TRIM39: variants seen among roughly 807,000 people sequenced by gnomAD.
TRIM39 encodes the protein tripartite motif containing 39, also known as E3 ubiquitin-protein ligase TRIM39.
Under a neutral mutation model 53.6 loss-of-function variants are expected in TRIM39, and 5 were observed. That is an observed-to-expected ratio of 0.09 (90% CI 0.05 to 0.20). The LOEUF is 0.20. TRIM39 is among the 10% of genes least tolerant of loss of function. The probability of loss-of-function intolerance (pLI) is 1.00; values close to 1 mark genes in which losing one functional copy is unlikely to be tolerated. For missense variants in TRIM39, 310 were observed against 621.0 expected (o/e 0.50, Z 5.32); for synonymous variants, 196 against 237.6 (o/e 0.82, Z 1.61).
At chr6:30,334,066 C>CACTGAGA (rs1180620484) in intron 4 of TRIM39, among the ~76,000 whole-genome samples, 12 of 152,196 alleles carry the variant, frequency 7.9e-5, no homozygotes, top group African/African-American at 2.9e-4. Flanking sequence ...TTCAGATGTA[C>CACTGAGA]ACTGAGAAGG....
Position 30,335,752 on chromosome 6 carries a change from T to C in TRIM39, c.557T>C (p.Val186Ala), listed in dbSNP as rs551694859. Residue 186 changes from valine to alanine, a missense_variant, in exon 5 of 8, where the codon GTG becomes GCG. By Grantham distance (64) the Val-to-Ala change is moderately conservative. This residue lies in a region of TRIM39 where 161 missense variants were observed against 210.0 expected (regional missense o/e 0.77). Coordinates refer to ENST00000396551, the Ensembl canonical transcript of TRIM39. The surrounding 1 kb of genome is among the most constrained non-coding windows in gnomAD (Gnocchi z 4.7). ...TCTTCCCTCTCTTCTCAGAGACTAG[T>C]GGAAAGTCGCCGACAGCAGATCTTG... 12 of 1,612,646 alleles carry C rather than the reference T, an allele frequency of 7.4e-6. No homozygotes were observed. In the South Asian group the frequency reaches 7.7e-5, roughly 10 times the overall value.
intron 5 of TRIM39, 81 bp downstream of exon 5, chr6:30,336,056 A>T: frequency 1.3e-6 from 2 of 1,564,124 alleles, no homozygotes; most frequent in Non-Finnish European, 1.7e-6. Context: ...AGCCTGGGAT[A>T]CTCATTCTTC....
intron 7 of TRIM39, among the ~76,000 whole-genome samples, 198 bp downstream of exon 7, chr6:30,340,818 T>A (rs1448061500): frequency 6.6e-6 from 1 of 152,248 alleles, no homozygotes; most frequent in Non-Finnish European, 1.5e-5. Flanking sequence ...TATCTACTCT[T>A]AGGTCCATTC....
exon 8 of TRIM39, chr6:30,341,881 C>T (rs756722885): frequency 6.2e-7 from 1 of 1,613,040 alleles, no homozygotes; most frequent in South Asian, 1.1e-5. Context: ...CAGGTCGACA[C>T]TACTGGGAGG....
At chr6:30,329,984 A>T (rs962236396) in intron 3 of TRIM39, among the ~76,000 whole-genome samples, 3 of 152,246 alleles carry the variant, frequency 2.0e-5, no homozygotes, top group Non-Finnish European at 2.9e-5. Flanking sequence ...TGACTTTTGC[A>T]ATACATGTGA....
chr6:30,329,654 G>A (rs1475446996), exon 3 of TRIM39: 12 of 1,613,076 alleles, frequency 7.4e-6, no homozygotes, highest in Non-Finnish European at 1.0e-5. Flanking sequence ...ACACCATGAG[G>A]CCCTCAGCCT....
chr6:30,330,702 C>A, intron 3 of TRIM39, 79 bp from the exon 4 acceptor site: 3 of 1,473,540 alleles, frequency 2.0e-6, no homozygotes, highest in Non-Finnish European at 2.8e-6. Context: ...TGGTTTAAAA[C>A]AAATGGTTTA....
chr6:30,340,999 G>C (rs748292746), intron 7 of TRIM39, among the ~76,000 whole-genome samples: 1 of 152,146 alleles, frequency 6.6e-6, no homozygotes, highest in Non-Finnish European at 1.5e-5. Flanking sequence ...CTTGAGGTCA[G>C]GAGTTCGACA....
chr6:30,342,531 A>C lies in TRIM39; in HGVS notation c.*272A>C. 1.8e-6 allele frequency: 1 copy of C among 554,578 alleles called. No individual in the cohort carries two copies. Among genetic ancestry groups the C allele is most frequent in the East Asian group, 2.9e-5 (1 of 33,956 alleles). 34.4% of individuals were successfully genotyped at this position (554,578 alleles called of 1,614,324 possible). On this transcript the variant is annotated 3_prime_UTR_variant, in exon 8 of 8. Transcript: ENST00000396551. This position sits in a 1 kb window ranked among gnomAD's most constrained non-coding sequence, Gnocchi z 4.7. The stretch of plus-strand genomic sequence containing the variant: ...TGAAGTCCATCAGGTTTTCTGTTGC[A>C]CAAGGACGGGTCAGGAAGGAAGGAG...
At chr6:30,337,122 G>T (rs1320452119) in intron 5 of TRIM39, among the ~76,000 whole-genome samples, 2 of 152,136 alleles carry the variant, frequency 1.3e-5, no homozygotes, top group Non-Finnish European at 2.9e-5. Context: ...TCAGTAAAGG[G>T]TTGGGCACGG....
At position 30,339,184 on chromosome 6, in the gene TRIM39, C is replaced by T. The variant is rs9501318; in HGVS notation, c.781-724C>T. Among the ~76,000 whole-genome samples the T allele has an allele frequency of 0.021, 3,129 of 151,526 alleles. 121 individuals carry two copies. The highest frequency in any genetic ancestry group is 0.07 in the African/African-American group (2,903 of 41,226). ...TTTTTTTTTCTGAGAGAGTCTTGCT[C>T]TGTCGCCCAGGCTGGAGTGCAGTGC... On this transcript the variant is annotated intron_variant, in intron 5 of 7. Transcript: ENST00000396551. The surrounding 1 kb of genome is among the most constrained non-coding windows in gnomAD (Gnocchi z 4.2).
At chr6:30,334,606 A>G (rs1786632004) in intron 4 of TRIM39, among the ~76,000 whole-genome samples, 1 of 152,224 alleles carries the variant, frequency 6.6e-6, no homozygotes, top group Non-Finnish European at 1.5e-5. Context: ...ATAATAACCC[A>G]TATAACTCTT....
At position 30,339,224 on chromosome 6, in the gene TRIM39, C is replaced by T. The variant is rs1378137353; in HGVS notation, c.781-684C>T. Among the ~76,000 whole-genome samples, 1 of 151,922 alleles carries T rather than the reference C, an allele frequency of 6.6e-6. No individual in the cohort carries two copies. The highest frequency in any genetic ancestry group is 2.4e-5 in the African/African-American group (1 of 41,316). On this transcript the variant is annotated intron_variant, in intron 5 of 7. Coordinates refer to ENST00000396551, the Ensembl canonical transcript of TRIM39. The surrounding 1 kb of genome is among the most constrained non-coding windows in gnomAD (Gnocchi z 4.2). ...GAGTGCAGTGCATGATCTCGGCTCA[C>T]TGCAACCTTTGCCTCCTGTGTTCAA...
Position 30,335,027 on chromosome 6 carries a change from CT to C in TRIM39, c.550-715del, listed in dbSNP as rs1229413976. 6.6e-6 allele frequency among the ~76,000 whole-genome samples: 1 copy of C among 152,190 alleles called. No individual in the cohort carries two copies. Among genetic ancestry groups the C allele is most frequent in the Non-Finnish European group, 1.5e-5 (1 of 68,042 alleles). On this transcript the variant is annotated intron_variant, in intron 4 of 7. Transcript: ENST00000396551. This position sits in a 1 kb window ranked among gnomAD's most constrained non-coding sequence, Gnocchi z 4.7. ...CATGAGCCACCATGCTGAGCCTATA[CT>C]TTCCTTTTCTCGACAGATTGAATTA...
chr6:30,328,342 G>T (rs1478252141), intron 1 of TRIM39, among the ~76,000 whole-genome samples: 1 of 152,242 alleles, frequency 6.6e-6, no homozygotes, highest in East Asian at 1.9e-4. Context: ...TAATTTATCA[G>T]TTTTCAGCAG....
intron 1 of TRIM39, 29 bp downstream of exon 1, chr6:30,327,024 G>A (rs1403316335): frequency 1.3e-5 from 2 of 151,708 alleles, no homozygotes; most frequent in Non-Finnish European, 2.9e-5. Flanking sequence ...CCGCGCCCGA[G>A]CCTGGGGCCT....
chr6:30,331,125 C>T (rs1028493275), intron 4 of TRIM39, among the ~76,000 whole-genome samples: 6 of 151,930 alleles, frequency 3.9e-5, no homozygotes, highest in Admixed American at 6.6e-5. Context: ...AAAAATTAGC[C>T]GGGCATGGTG....
chr6:30,327,113 T>A (rs1785432811), intron 1 of TRIM39, 118 bp downstream of exon 1: 1 of 152,272 alleles, frequency 6.6e-6, no homozygotes. Flanking sequence ...TAACCACAGC[T>A]GCCTCCGCCC....
chr6:30,341,815 C>T, exon 8 of TRIM39: 1 of 1,613,068 alleles, frequency 6.2e-7, no homozygotes, highest in Non-Finnish European at 8.5e-7. Context: ...ATCTCCCTGA[C>T]ACACCAAGGC....
Sources: gnomAD v4.1 joint callset for allele counts (sites outside exome capture counted in the v4.1 genomes callset) on GRCh38, gnomAD v4.1.1 for gene constraint, gnomAD v4.1.1 regional missense constraint, Gnocchi (gnomAD v3.1) non-coding constraint, MANE v1.5 for transcripts, NCBI Gene and HGNC (gene_info 2026-07-23, HGNC 2026-07-21) for gene names.